SHTN1: variants seen among roughly 807,000 people sequenced by gnomAD.
The protein encoded by SHTN1 is shootin 1.
SHTN1 carries 42 observed loss-of-function variants against 83.1 expected under a neutral mutation model. That is an observed-to-expected ratio of 0.51 (90% confidence interval 0.39 to 0.65). The LOEUF (loss-of-function observed/expected upper bound fraction) is 0.65, where lower values mean the gene tolerates loss of function less well. Among genes scored for constraint, SHTN1 ranks in the 30% least tolerant of loss-of-function variants. The pLI, the probability that SHTN1 is intolerant of heterozygous loss-of-function variation, is 0.00. For synonymous variants in SHTN1, 224 were observed against 247.7 expected, an observed-to-expected ratio of 0.90 and a Z score of 0.90; for missense variants, 622 against 737.8, an observed-to-expected ratio of 0.84 and a Z score of 1.82.
chr10:116,990,743 G>C (rs1206321651), intron 1 of SHTN1, among the ~76,000 whole-genome samples: 3 of 151,972 alleles, frequency 2.0e-5, no homozygotes, highest in African/African-American at 7.3e-5. Flanking sequence ...GTTTGTCTTA[G>C]TGACTCCTGT....
chr10:116,898,221 G>A (rs1294035308), intron 16 of SHTN1, among the ~76,000 whole-genome samples: 1 of 151,812 alleles, frequency 6.6e-6, no homozygotes. Context: ...ACAGCTACTC[G>A]GGAGGCTGAG....
chr10:117,043,281 C>A (rs1201223701), intron 2 of SHTN1, among the ~76,000 whole-genome samples: 1 of 151,822 alleles, frequency 6.6e-6, no homozygotes, highest in Admixed American at 6.6e-5. Flanking sequence ...CTACAGGTGC[C>A]CACCACCACG....
intron 3 of SHTN1, among the ~76,000 whole-genome samples, chr10:116,961,246 G>T (rs2133442620): frequency 6.6e-6 from 1 of 152,144 alleles, no homozygotes. Flanking sequence ...CTGCAATTAT[G>T]ATTAAACTCA....
At chr10:117,028,846 G>A (rs2133570330) in intron 2 of SHTN1, among the ~76,000 whole-genome samples, 1 of 152,310 alleles carries the variant, frequency 6.6e-6, no homozygotes, top group East Asian at 1.9e-4. Context: ...CCCTCATGGA[G>A]AACCTCTACT....
chr10:117,010,614 A>C (rs2133555584), intron 2 of SHTN1, among the ~76,000 whole-genome samples: 1 of 152,284 alleles, frequency 6.6e-6, no homozygotes, highest in East Asian at 1.9e-4. Context: ...AAGCCAGATA[A>C]GGATATCACA....
At chr10:116,887,335 C>G (rs1389547874) in intron 16 of SHTN1, among the ~76,000 whole-genome samples, 2 of 152,204 alleles carry the variant, frequency 1.3e-5, no homozygotes, top group African/African-American at 4.8e-5. Context: ...ACAGATATCT[C>G]TGAAACACCC....
chr10:117,058,666 A>G (rs1852858849), intron 1 of SHTN1, among the ~76,000 whole-genome samples: 1 of 152,228 alleles, frequency 6.6e-6, no homozygotes, highest in Non-Finnish European at 1.5e-5. Flanking sequence ...TATATACTCA[A>G]AAGAATTAAA....
Position 116,882,379 on chromosome 10 carries a change from A to G in SHTN1, c.*3965T>C, listed in dbSNP as rs937625748. On this transcript the variant is annotated 3_prime_UTR_variant, in exon 17 of 17. Transcript: ENST00000355371. The stretch of plus-strand genomic sequence containing the variant: ...CCAGTTATTCATACCACAGCATTTA[A>G]AAAGCAATCCGCAAGTGATAAAAAA... 7 of 150,370 alleles carry G rather than the reference A, an allele frequency of 4.7e-5. No homozygotes were observed. The highest frequency in any genetic ancestry group is 2.0e-4 in the Admixed American group (3 of 14,972). 9.3% of individuals were successfully genotyped at this position (150,370 alleles called of 1,614,324 possible). A position where few individuals can be genotyped will look rare whatever the true frequency, so the allele number is the denominator to read the frequency against.
At chr10:117,100,276 G>A (rs976887089) in intron 1 of SHTN1, among the ~76,000 whole-genome samples, 1 of 152,174 alleles carries the variant, frequency 6.6e-6, no homozygotes, top group African/African-American at 2.4e-5. Flanking sequence ...ATTTTTGTAA[G>A]TAAAGTTTTA....
chr10:117,066,605 T>A (rs1256621301), intron 1 of SHTN1, among the ~76,000 whole-genome samples: 1 of 152,162 alleles, frequency 6.6e-6, no homozygotes, highest in Admixed American at 6.5e-5. Context: ...ACAAACAAAC[T>A]AACAATCTTT....
At chr10:117,065,879 AGGT>A (rs1564947578) in intron 1 of SHTN1, among the ~76,000 whole-genome samples, 3 of 19,666 alleles carry the variant, frequency 1.5e-4, no homozygotes, top group African/African-American at 6.5e-4. Context: ...GGAGGGAGGG[AGGT>A]GGGGAGGGGA....
chr10:116,984,357 G>T (rs1851153008), intron 1 of SHTN1, among the ~76,000 whole-genome samples: 1 of 152,200 alleles, frequency 6.6e-6, no homozygotes, highest in Non-Finnish European at 1.5e-5. Context: ...TGACTAGTTA[G>T]TGCCATAATG....
intron 1 of SHTN1, among the ~76,000 whole-genome samples, chr10:117,089,047 G>C (rs529881216): frequency 3.3e-5 from 5 of 152,138 alleles, no homozygotes; most frequent in African/African-American, 9.7e-5. Context: ...TAATAGGGCT[G>C]TACAGCCCCA....
rs1360794383 is a variant in SHTN1, at chr10:116,883,115, T to A, written c.*3229A>T. 5 of 152,090 alleles carry A rather than the reference T, an allele frequency of 3.3e-5. No individual in the cohort carries two copies. Among genetic ancestry groups the A allele is most frequent in the Non-Finnish European group, 5.9e-5 (4 of 68,046 alleles). The allele number at this position is 152,090 out of a possible 1,614,324, so 9.4% of individuals were successfully genotyped here. The stretch of plus-strand genomic sequence containing the variant: ...AAATTAAATTAACCAAAGAGGTGAT[T>A]TATTACAATAACCAGGTCAGCAGTG... On this transcript the variant is annotated 3_prime_UTR_variant, in exon 17 of 17. Coordinates refer to ENST00000355371, the MANE Select transcript of SHTN1 (RefSeq NM_001127211.3).
At chr10:117,038,874 A>G (rs1295681682) in intron 2 of SHTN1, among the ~76,000 whole-genome samples, 1 of 152,232 alleles carries the variant, frequency 6.6e-6, no homozygotes, top group African/African-American at 2.4e-5. Flanking sequence ...AGCAACAAGA[A>G]CTGTCATTCA....
At chr10:116,977,415 T>C (rs1850845611) in intron 2 of SHTN1, among the ~76,000 whole-genome samples, 1 of 152,182 alleles carries the variant, frequency 6.6e-6, no homozygotes, top group Non-Finnish European at 1.5e-5. Flanking sequence ...CAGGGACTGA[T>C]ATCATCTCAG....
intron 16 of SHTN1, chr10:116,900,946 T>G: frequency 1.0e-6 from 1 of 985,422 alleles, no homozygotes. Context: ...AATTCCAACT[T>G]CATTTGTCCA....
intron 1 of SHTN1, among the ~76,000 whole-genome samples, chr10:117,062,436 T>G (rs889586823): frequency 1.3e-5 from 2 of 152,088 alleles, no homozygotes; most frequent in African/African-American, 4.8e-5. Context: ...TAGCTTACAT[T>G]TTGAGGTTCT....
intron 1 of SHTN1, among the ~76,000 whole-genome samples, chr10:116,999,375 G>A (rs749609659): frequency 3.9e-5 from 6 of 152,192 alleles, no homozygotes; most frequent in Non-Finnish European, 7.4e-5. Context: ...TGGGAATGGG[G>A]TCATAGCATG....
Sources: gnomAD v4.1 joint callset for allele counts (sites outside exome capture counted in the v4.1 genomes callset) on GRCh38, gnomAD v4.1.1 for gene constraint, MANE v1.5 for transcripts, NCBI Gene and HGNC (gene_info 2026-07-23, HGNC 2026-07-21) for gene names.